The following GJA5 variants were observed in gnomAD, a reference collection of about 807,000 sequenced individuals.
GJA5 encodes gap junction alpha-5 protein.
A neutral mutation model predicts 7.9 loss-of-function variants in GJA5; 3 were observed. The ratio of observed to expected loss-of-function variants is 0.38; its 90% CI spans 0.17 to 0.99. GJA5 has a LOEUF of 0.99. GJA5 is among the 50% of genes least tolerant of loss of function. The pLI is 0.38. For synonymous variants in GJA5, 193 were observed against 181.0 expected, an observed-to-expected ratio of 1.07 and a Z score of -0.53; for missense variants, 390 against 457.9, an observed-to-expected ratio of 0.85 and a Z score of 1.35.
chr1:147,767,887 T>C (rs1664266792), intron 1 of GJA5, among the ~76,000 whole-genome samples: 1 of 152,354 alleles, frequency 6.6e-6, no homozygotes, highest in Non-Finnish European at 1.5e-5. Flanking sequence ...TATAAGATGA[T>C]TGAAGCAGGA....
Position 147,759,069 on chromosome 1 carries a change from A to C in GJA5, c.170T>G (p.Ile57Ser), listed in dbSNP as rs1553227077. 8 of 1,613,212 alleles carry C rather than the reference A, an allele frequency of 5.0e-6. No individual in the cohort carries two copies. The highest frequency in any genetic ancestry group is 6.8e-6 in the Non-Finnish European group (8 of 1,179,612). ...GCAGACATTCTGGCAGCCAGGCTGAATCGTATCACACCGGAAATCAGCCTG... is the reference window on the plus strand; with the variant it reads ...GCAGACATTCTGGCAGCCAGGCTGACTCGTATCACACCGGAAATCAGCCTG... Reference protein sequence around the residue: ...DEQADFRCDTIQPGCQNVCYD... With the variant: ...DEQADFRCDTSQPGCQNVCYD... Residue 57 changes from isoleucine (I) to serine (S), a missense_variant, in exon 2 of 2, where the codon ATT (isoleucine) becomes AGT (serine). By Grantham distance (142) the Ile-to-Ser change is moderately radical (BLOSUM62 -2). Around this residue, in one of 2 missense-constraint regions of GJA5, gnomAD observed 36 missense variants for 87.1 expected, o/e 0.41. Transcript: ENST00000579774.
At chr1:147,763,103 C>T (rs1664080744), upstream of GJA5, among the ~76,000 whole-genome samples, 1 of 152,236 alleles carries the variant, frequency 6.6e-6, no homozygotes. Context: ...ACTTAAGCTA[C>T]ACAATTTCAC....
upstream of GJA5, among the ~76,000 whole-genome samples, chr1:147,761,373 G>C (rs1332983531): frequency 1.3e-5 from 2 of 152,152 alleles, no homozygotes; most frequent in African/African-American, 4.8e-5. Flanking sequence ...TGGGGTCAGG[G>C]TGGTGCATTT....
intron 1 of GJA5, among the ~76,000 whole-genome samples, chr1:147,768,334 G>T (rs587716249): frequency 3.2e-4 from 48 of 152,334 alleles, no homozygotes; most frequent in Admixed American, 1.0e-3. Context: ...AGCCAAGGAA[G>T]TAGAAGGGAG....
At chr1:147,761,199 G>A (rs755838761), upstream of GJA5, among the ~76,000 whole-genome samples, 2 of 152,152 alleles carry the variant, frequency 1.3e-5, no homozygotes, top group Non-Finnish European at 2.9e-5. Context: ...GATGACAAAC[G>A]TCTCGGAGGG....
chr1:147,761,825 G>A (rs587768397), upstream of GJA5, among the ~76,000 whole-genome samples: 15 of 152,334 alleles, frequency 9.8e-5, no homozygotes, highest in South Asian at 2.9e-3. Context: ...AAGAGGGAGG[G>A]AGAGAAGGGG....
chr1:147,765,929 C>T (rs1664185291), intron 1 of GJA5, among the ~76,000 whole-genome samples: 1 of 152,178 alleles, frequency 6.6e-6, no homozygotes, highest in South Asian at 2.1e-4. Flanking sequence ...CCTCGTCTCT[C>T]CTGCTTAAGA....
chr1:147,761,186 C>T (rs1663994743), upstream of GJA5, among the ~76,000 whole-genome samples: 1 of 152,188 alleles, frequency 6.6e-6, no homozygotes, highest in Non-Finnish European at 1.5e-5. Flanking sequence ...TCCTAACCAA[C>T]AGGATGACAA....
At chr1:147,772,091 G>T (rs587631012) in intron 1 of GJA5, among the ~76,000 whole-genome samples, 1 of 152,254 alleles carries the variant, frequency 6.6e-6, no homozygotes, top group East Asian at 1.9e-4. Context: ...GCTCCCCTTG[G>T]TCTCTTCTCT....
At chr1:147,768,624 A>T (rs1664293023) in intron 1 of GJA5, among the ~76,000 whole-genome samples, 1 of 152,146 alleles carries the variant, frequency 6.6e-6, no homozygotes, top group Admixed American at 6.5e-5. Flanking sequence ...ATCAAACTCA[A>T]CTCCTTATTT....
upstream of GJA5, among the ~76,000 whole-genome samples, chr1:147,764,320 G>A (rs1387759716): frequency 1.3e-5 from 2 of 152,184 alleles, no homozygotes; most frequent in African/African-American, 4.8e-5. Context: ...GTACATGGTA[G>A]CAATTTTAAT....
chr1:147,770,318 A>G (rs1664350528), intron 1 of GJA5, among the ~76,000 whole-genome samples: 1 of 152,154 alleles, frequency 6.6e-6, no homozygotes, highest in African/African-American at 2.4e-5. Context: ...CTAAGTTAGA[A>G]CATCTGGGGA....
rs1663732907 is a variant in GJA5, at chr1:147,756,365, A to G, written c.*1797T>C. The G allele has an allele frequency of 6.6e-6, 1 of 152,210 alleles. No individual in the cohort carries two copies. Among genetic ancestry groups the G allele is most frequent in the South Asian group, 2.1e-4 (1 of 4,828 alleles). The allele number at this position is 152,210 out of a possible 1,614,324, so 9.4% of individuals were successfully genotyped here. ...GGAGAGAAAATATTAATGCTAGGCA[A>G]TAGATTAAAAGGTGTCCCCTCCAGG... On this transcript the variant is annotated 3_prime_UTR_variant, in exon 2 of 2. Transcript: ENST00000579774.
intron 1 of GJA5, among the ~76,000 whole-genome samples, chr1:147,769,212 A>G (rs2148964883): frequency 6.6e-6 from 1 of 152,384 alleles, no homozygotes; most frequent in Non-Finnish European, 1.5e-5. Flanking sequence ...TTTTTTAGCC[A>G]GCAAGTGTTC....
chr1:147,758,886 C>T lies in GJA5; in HGVS notation c.353G>A (p.Arg118Gln), dbSNP rs782580208. 10 of 1,614,220 alleles carry T rather than the reference C, an allele frequency of 6.2e-6. No homozygotes were observed. The highest frequency in any genetic ancestry group is 1.7e-5 in the Admixed American group (1 of 60,032). ...LREAERAKEV[R>Q]GSGSYEYPVA... ...CGGGTACTCGTAAGAGCCAGAGCCC[C>T]GGACCTCTTTGGCCCTCTCGGCCTC... Residue 118 changes from arginine to glutamine, a missense_variant, in exon 2 of 2, where the codon CGG (arginine) becomes CAG (glutamine). This residue lies in a region of GJA5 where 354 missense variants were observed against 370.9 expected (regional missense o/e 0.95). Transcript: ENST00000579774.
At chr1:147,771,040 G>A (rs782448621) in intron 1 of GJA5, among the ~76,000 whole-genome samples, 2 of 152,116 alleles carry the variant, frequency 1.3e-5, no homozygotes, top group Admixed American at 1.3e-4. Context: ...TCCCTAGGAC[G>A]GGGGCAGAGC....
intron 1 of GJA5, among the ~76,000 whole-genome samples, chr1:147,772,789 G>GGA (rs377217758): frequency 1.6e-5 from 2 of 125,946 alleles, no homozygotes; most frequent in African/African-American, 6.0e-5. Flanking sequence ...GCCTTAGGGA[G>GGA]AAAAAAAAAA....
rs782774478 is a variant in GJA5, at chr1:147,767,805, C to T, written c.-34+5447G>A. ...CAGTGTCCCTGCCTTGACAACTGTG[C>T]TAAACTCTATCTAAATCACTTGAAG... On this transcript the variant is annotated intron_variant, in intron 1 of 1. Transcript: ENST00000430508. Among the ~76,000 whole-genome samples the T allele has an allele frequency of 5.9e-5, 9 of 152,146 alleles. No homozygotes were observed. In the South Asian group the frequency reaches 1.2e-3, roughly 21 times the overall value.
In GJA5 at chr1:147,758,601, G is replaced by T. The variant is rs1198129780; in HGVS notation, c.638C>A (p.Ala213Asp). Residue 213 changes from alanine to aspartate, a missense_variant, in exon 2 of 2, where the codon GCT becomes GAT. Ala to Asp is a moderately radical substitution (Grantham distance 126). Transcript: ENST00000579774. ...AAGGAGGAGGGACAGTGCAGCCACAGCCAGCATAAAGACAATGAAGACATT... is the reference window on the plus strand; with the variant it reads ...AAGGAGGAGGGACAGTGCAGCCACATCCAGCATAAAGACAATGAAGACATT... Reference protein sequence around the residue: ...EKNVFIVFMLAVAALSLLLSL... With the variant: ...EKNVFIVFMLDVAALSLLLSL... 6.2e-6 allele frequency: 10 copies of T among 1,614,018 alleles called. No homozygotes were observed. The highest frequency in any genetic ancestry group is 3.3e-5 in the Admixed American group (2 of 60,008).
Sources: gnomAD v4.1 joint callset for allele counts (sites outside exome capture counted in the v4.1 genomes callset) on GRCh38, gnomAD v4.1.1 for gene constraint, gnomAD v4.1.1 regional missense constraint, MANE v1.5 for transcripts, NCBI Gene and HGNC (gene_info 2026-07-23, HGNC 2026-07-21) for gene names.